CCDC60: variants seen among roughly 807,000 people sequenced by gnomAD.
CCDC60 encodes the protein coiled-coil domain containing 60, also known as coiled-coil domain-containing protein 60.
In CCDC60, 54 loss-of-function variants were observed where a neutral mutation model predicts 63.5. That is an observed-to-expected ratio of 0.85 (90% CI 0.68 to 1.07). CCDC60 has a LOEUF of 1.07. Ranked by LOEUF, CCDC60 falls within the 50% of genes least tolerant of loss-of-function variation. The pLI is 0.00. For synonymous variants in CCDC60, 206 were observed against 238.8 expected (o/e 0.86, Z 1.27); for missense variants, 651 against 684.3 (o/e 0.95, Z 0.54).
At chr12:119,401,848 T>G (rs1956398581) in intron 1 of CCDC60, among the ~76,000 whole-genome samples, 1 of 152,188 alleles carries the variant, frequency 6.6e-6, no homozygotes, top group African/African-American at 2.4e-5. Context: ...TAACCCTATT[T>G]TACCAGTGGG....
At chr12:119,440,269 G>A (rs1205770855) in intron 2 of CCDC60, among the ~76,000 whole-genome samples, 4 of 152,178 alleles carry the variant, frequency 2.6e-5, no homozygotes, top group Admixed American at 6.5e-5. Context: ...GGTGGCTCAC[G>A]TCTGTAATCC....
At chr12:119,406,253 C>G (rs7959781) in intron 1 of CCDC60, among the ~76,000 whole-genome samples, 13,066 of 151,710 alleles carry the variant, frequency 0.086, 622 homozygotes, top group Middle Eastern at 0.16. Flanking sequence ...TCACCCTAGA[C>G]AGCGTCTTTG....
intron 1 of CCDC60, among the ~76,000 whole-genome samples, chr12:119,365,316 C>T (rs1955829971): frequency 6.6e-6 from 1 of 152,008 alleles, no homozygotes; most frequent in South Asian, 2.1e-4. Flanking sequence ...CAGTAATGAA[C>T]ACTAAAAAAA....
At chr12:119,354,597 T>A (rs1271491130) in intron 1 of CCDC60, among the ~76,000 whole-genome samples, 1 of 152,224 alleles carries the variant, frequency 6.6e-6, no homozygotes, top group Non-Finnish European at 1.5e-5. Context: ...ACGGGGAGAC[T>A]TTCTTTCCAG....
rs139045642 is a variant in CCDC60, at chr12:119,362,389, C to G, written c.90+27123C>G. On this transcript the variant is annotated intron_variant, in intron 1 of 13. Transcript: ENST00000327554. ...ATTCTCTCATCTCTTCCTATCAATA[C>G]TGCACCCACTTCTCCCTGCAATAAA... Among the ~76,000 whole-genome samples, 51 of 152,254 alleles carry G rather than the reference C, an allele frequency of 3.3e-4. No individual in the cohort carries two copies. In the East Asian group the frequency reaches 7.7e-3, roughly 23 times the overall value.
At chr12:119,431,600 C>G (rs1439453104) in intron 2 of CCDC60, among the ~76,000 whole-genome samples, 4 of 152,118 alleles carry the variant, frequency 2.6e-5, no homozygotes, top group Admixed American at 2.6e-4. Context: ...ATCTAGTCCC[C>G]AGGCAAAAAG....
intron 11 of CCDC60, 107 bp downstream of exon 11, chr12:119,523,925 G>C: frequency 8.2e-7 from 1 of 1,220,194 alleles, no homozygotes. Flanking sequence ...AGAAGAACTT[G>C]TTCTCTGTCC....
rs869099213 is a variant in CCDC60, at chr12:119,527,666, CTTTTT to C, written c.1230-928_1230-924del. ...TTGTTTTTTCTTTCTTTCTTTCTTTCTTTTTTTTTTTTTTTTTTTTTTTTTATTGA... is the reference window on the plus strand; with the variant it reads ...TTGTTTTTTCTTTCTTTCTTTCTTTCTTTTTTTTTTTTTTTTTTTTATTGA... On this transcript the variant is annotated intron_variant, in intron 11 of 13. Coordinates refer to ENST00000327554, the MANE Select transcript of CCDC60 (RefSeq NM_178499.5). Among the ~76,000 whole-genome samples, 10 of 84,970 alleles carry C rather than the reference CTTTTT, an allele frequency of 1.2e-4. No individual in the cohort carries two copies. In the South Asian group the frequency reaches 3.1e-3, roughly 26 times the overall value. 55.7% of individuals were successfully genotyped at this position (84,970 alleles called of 152,430 possible). A position where few individuals can be genotyped will look rare whatever the true frequency, so the allele number is the denominator to read the frequency against.
At chr12:119,433,999 G>A (rs756940956) in intron 2 of CCDC60, among the ~76,000 whole-genome samples, 4 of 152,152 alleles carry the variant, frequency 2.6e-5, no homozygotes, top group Non-Finnish European at 4.4e-5. Context: ...AGGTGCCAGC[G>A]CTTTTTATTG....
intron 1 of CCDC60, among the ~76,000 whole-genome samples, chr12:119,343,660 C>CTATATATATATA (rs60934414): frequency 5.7e-5 from 8 of 141,120 alleles, no homozygotes; most frequent in East Asian, 2.1e-4. Context: ...GAAAGGCAAA[C>CTATATATATATA]TATATATATA....
Position 119,523,737 on chromosome 12 carries a change from G to C in CCDC60, c.1148G>C (p.Cys383Ser). Reference sequence around the variant, plus strand: ...AACATCCACTACAAGAGTGGGGTGTGTAACACCATGAGGGCCAAGTTTTAC... The same window carrying C: ...AACATCCACTACAAGAGTGGGGTGTCTAACACCATGAGGGCCAAGTTTTAC... ...DINIHYKSGV[C>S]NTMRAKFYSV... is the part of the protein sequence containing the mutation. The change falls in exon 11 of 14, where the codon TGT (cysteine) becomes TCT (serine). Residue 383 changes from cysteine to serine, a missense_variant. Transcript: ENST00000327554. 1 of 1,614,184 alleles carries C rather than the reference G, an allele frequency of 6.2e-7. No individual in the cohort carries two copies. Among genetic ancestry groups the C allele is most frequent in the Non-Finnish European group, 8.5e-7 (1 of 1,180,006 alleles).
intron 2 of CCDC60, among the ~76,000 whole-genome samples, chr12:119,439,525 A>G (rs1950397500): frequency 6.6e-6 from 1 of 152,230 alleles, no homozygotes. Context: ...TGTTGCAACA[A>G]TGCTGACCTC....
chr12:119,462,727 C>A (rs1414332890), intron 2 of CCDC60, among the ~76,000 whole-genome samples: 2 of 152,138 alleles, frequency 1.3e-5, no homozygotes, highest in African/African-American at 4.8e-5. Flanking sequence ...CTTAAGTGAT[C>A]CTCCTGCCTC....
intron 4 of CCDC60, among the ~76,000 whole-genome samples, chr12:119,485,516 T>A (rs572684682): frequency 6.6e-6 from 1 of 152,304 alleles, no homozygotes; most frequent in African/African-American, 2.4e-5. Context: ...GCTGTCAGCG[T>A]TGGTTTCTCC....
At chr12:119,527,691 T>TTTTTC (rs1555256699) in intron 11 of CCDC60, among the ~76,000 whole-genome samples, 1 of 137,232 alleles carries the variant, frequency 7.3e-6, no homozygotes, top group Non-Finnish European at 1.6e-5. Context: ...TTTTTTTTTT[T>TTTTTC]ATTGAGATGG....
chr12:119,462,171 C>T (rs1180625748), intron 2 of CCDC60, among the ~76,000 whole-genome samples: 1 of 152,172 alleles, frequency 6.6e-6, no homozygotes, highest in Admixed American at 6.5e-5. Context: ...CTGTCTCTTT[C>T]TGTGGAGTTA....
intron 3 of CCDC60, among the ~76,000 whole-genome samples, chr12:119,475,903 T>C (rs1427953285): frequency 1.3e-5 from 2 of 152,204 alleles, no homozygotes; most frequent in Non-Finnish European, 2.9e-5. Context: ...CTTAAATGTA[T>C]GGCTAAAAAT....
intron 2 of CCDC60, 40 bp downstream of exon 2, chr12:119,428,802 ACAGGCATGAG>A (rs1374332937): frequency 7.3e-7 from 1 of 1,368,174 alleles, no homozygotes; most frequent in Non-Finnish European, 1.0e-6. Context: ...AGACAACCCA[ACAGGCATGAG>A]CAGGCTATGG....
chr12:119,454,483 T>A (rs1193784505), intron 2 of CCDC60, among the ~76,000 whole-genome samples: 1 of 152,194 alleles, frequency 6.6e-6, no homozygotes, highest in Non-Finnish European at 1.5e-5. Context: ...ATTTACCAGC[T>A]GCCCTGGACA....
Sources: gnomAD v4.1 joint callset for allele counts (sites outside exome capture counted in the v4.1 genomes callset) on GRCh38, gnomAD v4.1.1 for gene constraint, MANE v1.5 for transcripts, NCBI Gene and HGNC (gene_info 2026-07-23, HGNC 2026-07-21) for gene names.